The following PIBF1 variants were observed in gnomAD, a reference collection of about 807,000 sequenced individuals.
PIBF1 encodes progesterone-induced-blocking factor 1.
PIBF1 carries 90 observed loss-of-function variants against 112.5 expected under a neutral mutation model. That is an observed-to-expected ratio of 0.80 (90% CI 0.67 to 0.95). The LOEUF is 0.95. Ranked by LOEUF, PIBF1 falls within the 40% of genes least tolerant of loss-of-function variation. The pLI is 0.00. For missense variants in PIBF1, 915 were observed against 852.3 expected, an observed-to-expected ratio of 1.07 and a Z score of -0.92; for synonymous variants, 301 against 288.6, an observed-to-expected ratio of 1.04 and a Z score of -0.44.
At chr13:73,011,962 G>A (rs2044217101) in intron 17 of PIBF1, among the ~76,000 whole-genome samples, 1 of 152,132 alleles carries the variant, frequency 6.6e-6, no homozygotes, top group African/African-American at 2.4e-5. Context: ...CAGCTTGCAA[G>A]AACAGATGGG....
intron 11 of PIBF1, among the ~76,000 whole-genome samples, chr13:72,904,429 A>ATTTAT (rs1240090172): frequency 2.0e-5 from 1 of 51,094 alleles, no homozygotes; most frequent in Non-Finnish European, 3.6e-5. Flanking sequence ...ATATCAAAAT[A>ATTTAT]TTTCTTTTTT....
chr13:72,905,045 A>G lies in PIBF1; in HGVS notation c.1489-3486A>G, dbSNP rs1339017455. Among the ~76,000 whole-genome samples, 7 of 148,062 alleles carry G rather than the reference A, an allele frequency of 4.7e-5. No homozygotes were observed. The Admixed American group carries it at 4.9e-4, about 10-fold the overall frequency. ...TGTGATTAGACCTTAACACCTGACC[A>G]ACCTCACTTTAAATCCCATACTTTT... On this transcript the variant is annotated intron_variant, in intron 11 of 17. Transcript: ENST00000326291.
chr13:73,001,582 CTTTTTTTT>C (rs10645002), intron 17 of PIBF1, among the ~76,000 whole-genome samples: 1 of 29,160 alleles, frequency 3.4e-5, no homozygotes, highest in African/African-American at 8.3e-5. Flanking sequence ...AAGAGCTTGA[CTTTTTTTT>C]TTTTTTTTTT....
chr13:72,972,793 A>G (rs1042180668), intron 15 of PIBF1, among the ~76,000 whole-genome samples: 1 of 152,226 alleles, frequency 6.6e-6, no homozygotes, highest in African/African-American at 2.4e-5. Context: ...TTGAAAATCA[A>G]ACTAATAATT....
chr13:72,936,914 T>C lies in PIBF1; in HGVS notation c.1833+5647T>C, dbSNP rs79894706. Among the ~76,000 whole-genome samples, 967 of 152,294 alleles carry C rather than the reference T, an allele frequency of 6.3e-3. 11 individuals carry two copies. Among genetic ancestry groups the C allele is most frequent in the African/African-American group, 0.022 (897 of 41,568 alleles). ...TATTGAATATTCTGACCCATGAACATACTGTATCTTTACCCTTATTTACGT... is the reference window on the plus strand; with the variant it reads ...TATTGAATATTCTGACCCATGAACACACTGTATCTTTACCCTTATTTACGT... On this transcript the variant is annotated intron_variant, in intron 14 of 17. Transcript: ENST00000326291.
At chr13:72,826,077 A>G (rs2036799574) in intron 6 of PIBF1, among the ~76,000 whole-genome samples, 1 of 151,764 alleles carries the variant, frequency 6.6e-6, no homozygotes, top group Non-Finnish European at 1.5e-5. Context: ...GATTTTTTAA[A>G]AAATTGCATG....
intron 14 of PIBF1, among the ~76,000 whole-genome samples, chr13:72,954,251 C>A (rs569507896): frequency 1.3e-5 from 2 of 152,286 alleles, no homozygotes; most frequent in East Asian, 3.9e-4. Context: ...ACACTTAGAA[C>A]ACAAAACTGC....
intron 13 of PIBF1, among the ~76,000 whole-genome samples, chr13:72,918,300 G>A (rs2041169728): frequency 6.6e-6 from 1 of 151,780 alleles, no homozygotes; most frequent in Non-Finnish European, 1.5e-5. Flanking sequence ...ACACAGCAGA[G>A]CATTTCTCTT....
chr13:72,851,189 C>T (rs556111431), intron 9 of PIBF1, among the ~76,000 whole-genome samples: 4 of 152,326 alleles, frequency 2.6e-5, no homozygotes, highest in Admixed American at 6.5e-5. Context: ...AGACCCCTTC[C>T]GAGTTGGAGG....
chr13:72,966,814 C>T (rs966312919), intron 15 of PIBF1, among the ~76,000 whole-genome samples: 3 of 152,124 alleles, frequency 2.0e-5, no homozygotes, highest in African/African-American at 7.2e-5. Flanking sequence ...GAGGCTGAGA[C>T]AGGAGAATCG....
chr13:72,913,654 A>G (rs945260329), intron 12 of PIBF1, among the ~76,000 whole-genome samples: 2 of 151,822 alleles, frequency 1.3e-5, no homozygotes, highest in South Asian at 2.1e-4. Flanking sequence ...TGCCAGCTAC[A>G]TGGGAGGGTG....
chr13:73,014,431 T>C lies in PIBF1; in HGVS notation c.2224-1438T>C, dbSNP rs1386918752. On this transcript the variant is annotated intron_variant, in intron 17 of 17. Coordinates refer to ENST00000326291, the MANE Select transcript of PIBF1 (RefSeq NM_006346.4). ...GTAGATGCAAAAATCTATGAGGATT[T>C]CTAGGGCAGTGAAAATATTATGTGA... Among the ~76,000 whole-genome samples the C allele has an allele frequency of 3.3e-5, 5 of 152,182 alleles. No homozygotes were observed. In the East Asian group the frequency reaches 9.6e-4, roughly 29 times the overall value.
chr13:73,008,836 G>A (rs967441213), intron 17 of PIBF1, among the ~76,000 whole-genome samples: 4 of 152,114 alleles, frequency 2.6e-5, no homozygotes, highest in African/African-American at 9.7e-5. Context: ...TACTGCTGGC[G>A]AGACACTTCC....
chr13:72,841,940 C>T (rs2037628490), intron 9 of PIBF1, among the ~76,000 whole-genome samples: 1 of 152,070 alleles, frequency 6.6e-6, no homozygotes, highest in Non-Finnish European at 1.5e-5. Flanking sequence ...GTTATGTTGA[C>T]AGTTTAAGGA....
intron 13 of PIBF1, among the ~76,000 whole-genome samples, chr13:72,927,371 G>A (rs1322306235): frequency 6.6e-6 from 1 of 152,152 alleles, no homozygotes; most frequent in Non-Finnish European, 1.5e-5. Context: ...GGGCCTAGTG[G>A]CGGGCACCTG....
chr13:72,813,659 T>A (rs1414796806), intron 5 of PIBF1, among the ~76,000 whole-genome samples: 1 of 152,164 alleles, frequency 6.6e-6, no homozygotes, highest in East Asian at 1.9e-4. Flanking sequence ...GCTGGCCACC[T>A]CCAAAGCAAA....
chr13:72,964,068 A>G (rs907148140), intron 14 of PIBF1, among the ~76,000 whole-genome samples: 15 of 152,260 alleles, frequency 9.9e-5, no homozygotes, highest in African/African-American at 3.1e-4. Context: ...CACAATAGCC[A>G]AACAGTGGAA....
chr13:72,792,237 A>G (rs1354589990), intron 2 of PIBF1, among the ~76,000 whole-genome samples: 3 of 152,158 alleles, frequency 2.0e-5, no homozygotes, highest in African/African-American at 4.8e-5. Flanking sequence ...AGGAGGTGGC[A>G]GTGAGCCAAG....
chr13:72,860,650 T>G (rs1394715696), intron 10 of PIBF1, among the ~76,000 whole-genome samples: 1 of 152,180 alleles, frequency 6.6e-6, no homozygotes, highest in Non-Finnish European at 1.5e-5. Context: ...ATAATTTGTC[T>G]CATCTTTTTC....
Sources: gnomAD v4.1 joint callset for allele counts (sites outside exome capture counted in the v4.1 genomes callset) on GRCh38, gnomAD v4.1.1 for gene constraint, MANE v1.5 for transcripts, NCBI Gene and HGNC (gene_info 2026-07-23, HGNC 2026-07-21) for gene names.